The following GPC6 variants were observed in gnomAD, a reference collection of about 807,000 sequenced individuals.
The protein encoded by GPC6 is glypican 6, also known as glypican-6.
A neutral mutation model predicts 55.2 loss-of-function variants in GPC6; 14 were observed. The ratio of observed to expected loss-of-function variants is 0.25; its 90% CI spans 0.17 to 0.40. GPC6 has a LOEUF of 0.40. GPC6 is among the 10% of genes least tolerant of loss of function. GPC6 has a pLI of 1.00. For synonymous variants in GPC6, 278 were observed against 259.6 expected (o/e 1.07, Z -0.68); for missense variants, 641 against 708.5 (o/e 0.90, Z 1.08).
chr13:93,742,033 G>A (rs1884222208), intron 2 of GPC6, among the ~76,000 whole-genome samples: 2 of 152,180 alleles, frequency 1.3e-5, no homozygotes, highest in East Asian at 3.8e-4. Context: ...TGCTTGATTA[G>A]CCATATCCTG....
chr13:93,697,925 C>T (rs1162432186), intron 2 of GPC6, among the ~76,000 whole-genome samples: 1 of 152,034 alleles, frequency 6.6e-6, no homozygotes, highest in Non-Finnish European at 1.5e-5. Context: ...CTTTTATTTC[C>T]CATGGAACTT....
chr13:93,276,678 G>A (rs766649363), intron 1 of GPC6, among the ~76,000 whole-genome samples: 15 of 152,068 alleles, frequency 9.9e-5, no homozygotes, highest in Non-Finnish European at 2.9e-5. Context: ...CGGGGACGGA[G>A]GTGGTGCATG....
intron 1 of GPC6, among the ~76,000 whole-genome samples, chr13:93,415,375 C>T (rs1475053560): frequency 1.3e-5 from 2 of 151,954 alleles, no homozygotes; most frequent in African/African-American, 2.4e-5. Context: ...AAGACCTTTC[C>T]ATATTTATCC....
intron 2 of GPC6, among the ~76,000 whole-genome samples, chr13:93,652,191 A>AC (rs1880449088): frequency 6.6e-6 from 1 of 152,158 alleles, no homozygotes; most frequent in East Asian, 1.9e-4. Flanking sequence ...ATTTTATAGA[A>AC]CTATCTTCAT....
At chr13:93,787,387 T>A (rs1431092576) in intron 2 of GPC6, among the ~76,000 whole-genome samples, 1 of 152,216 alleles carries the variant, frequency 6.6e-6, no homozygotes, top group Non-Finnish European at 1.5e-5. Context: ...CACAGGAATG[T>A]GTGAACCTCT....
intron 2 of GPC6, among the ~76,000 whole-genome samples, chr13:93,720,114 A>G (rs1953970003): frequency 6.6e-6 from 1 of 151,952 alleles, no homozygotes; most frequent in Non-Finnish European, 1.5e-5. Context: ...GTTAGGGAGG[A>G]TTCCCTCTTT....
At chr13:93,343,872 T>G (rs1880344784) in intron 1 of GPC6, among the ~76,000 whole-genome samples, 1 of 152,194 alleles carries the variant, frequency 6.6e-6, no homozygotes, top group Non-Finnish European at 1.5e-5. Context: ...AATGCTTACC[T>G]AATGCTCCAT....
intron 3 of GPC6, among the ~76,000 whole-genome samples, chr13:93,994,042 A>C (rs1017392367): frequency 7.9e-5 from 12 of 152,218 alleles, no homozygotes; most frequent in African/African-American, 2.9e-4. Flanking sequence ...TGAAAACAAA[A>C]TACTTACGTT....
chr13:93,907,051 A>G (rs1876710048), intron 3 of GPC6, among the ~76,000 whole-genome samples: 1 of 152,184 alleles, frequency 6.6e-6, no homozygotes. Context: ...GAGACTAGAG[A>G]TAGGAGAAAC....
At chr13:93,694,288 G>T (rs554191591) in intron 2 of GPC6, among the ~76,000 whole-genome samples, 1 of 152,308 alleles carries the variant, frequency 6.6e-6, no homozygotes, top group East Asian at 1.9e-4. Context: ...TAGAGCCCAT[G>T]AGGCTTGCCT....
chr13:94,198,706 T>G (rs938103933), intron 4 of GPC6, among the ~76,000 whole-genome samples: 1 of 152,234 alleles, frequency 6.6e-6, no homozygotes, highest in African/African-American at 2.4e-5. Flanking sequence ...GGAAGTGTAC[T>G]GTTGAACAGC....
At chr13:94,063,962 G>C (rs1434444979) in intron 4 of GPC6, among the ~76,000 whole-genome samples, 1 of 152,188 alleles carries the variant, frequency 6.6e-6, no homozygotes, top group East Asian at 1.9e-4. Flanking sequence ...GCACCAGGAA[G>C]AGCTGAGTAT....
chr13:93,895,809 G>A (rs1431412841), intron 3 of GPC6, among the ~76,000 whole-genome samples: 1 of 151,978 alleles, frequency 6.6e-6, no homozygotes, highest in Non-Finnish European at 1.5e-5. Flanking sequence ...TTTGATTTTT[G>A]TGCCCAAACT....
intron 4 of GPC6, among the ~76,000 whole-genome samples, chr13:94,253,202 C>T (rs72646002): frequency 0.011 from 1,638 of 152,148 alleles, 19 homozygotes; most frequent in Middle Eastern, 0.02. Context: ...AATTACTTTC[C>T]GATGCTCACT....
intron 6 of GPC6, among the ~76,000 whole-genome samples, chr13:94,325,017 A>G (rs929813487): frequency 1.3e-5 from 2 of 152,178 alleles, no homozygotes; most frequent in East Asian, 1.9e-4. Flanking sequence ...TGATGTTTCT[A>G]TTGCCGTCAA....
chr13:94,133,502 A>G (rs1459063505), intron 4 of GPC6, among the ~76,000 whole-genome samples: 1 of 152,188 alleles, frequency 6.6e-6, no homozygotes, highest in African/African-American at 2.4e-5. Flanking sequence ...GGCAGAACTT[A>G]ATAACTGAAG....
chr13:93,956,806 G>A (rs1879527467), intron 3 of GPC6, among the ~76,000 whole-genome samples: 1 of 152,094 alleles, frequency 6.6e-6, no homozygotes, highest in Admixed American at 6.5e-5. Flanking sequence ...CTTTCCAAAT[G>A]CATACTCTGC....
At chr13:93,312,945 A>G (rs1051386458) in intron 1 of GPC6, among the ~76,000 whole-genome samples, 7 of 152,194 alleles carry the variant, frequency 4.6e-5, no homozygotes, top group South Asian at 2.1e-4. Context: ...TCTATTCTAT[A>G]ATGGCATTAG....
In GPC6 at chr13:94,246,859, T is replaced by C. The variant is rs1258228793; in HGVS notation, c.878-39490T>C. On this transcript the variant is annotated intron_variant, in intron 4 of 8. Transcript: ENST00000377047. ...ATCGTTGTGGCTATTTAGGGTCTTT[T>C]GTGGTTCTATATGAATTTTAGGATT... Among the ~76,000 whole-genome samples, 3 of 152,196 alleles carry C rather than the reference T, an allele frequency of 2.0e-5. No homozygotes were observed. The East Asian group carries it at 5.8e-4, about 29-fold the overall frequency.
Sources: gnomAD v4.1 joint callset for allele counts (sites outside exome capture counted in the v4.1 genomes callset) on GRCh38, gnomAD v4.1.1 for gene constraint, MANE v1.5 for transcripts, NCBI Gene and HGNC (gene_info 2026-07-23, HGNC 2026-07-21) for gene names.